The following TGDS variants were observed in gnomAD, a reference collection of about 807,000 sequenced individuals.
The protein encoded by TGDS is TDP-glucose 4,6-dehydratase, also known as UDP-D-glucose 4,6-dehydratase.
A neutral mutation model predicts 52.3 loss-of-function variants in TGDS; 47 were observed. The observed-to-expected ratio is 0.90, with a 90% confidence interval of 0.71 to 1.15. The LOEUF (loss-of-function observed/expected upper bound fraction) is 1.15, where lower values mean the gene tolerates loss of function less well. TGDS is among the 50% of genes most tolerant of loss of function. TGDS has a pLI of 0.00. For missense variants in TGDS, 375 were observed against 418.4 expected (o/e 0.90, Z 0.90); for synonymous variants, 115 against 136.9 (o/e 0.84, Z 1.12).
intron 11 of TGDS, 79 bp from the exon 12 acceptor site, chr13:94,574,931 G>A: frequency 3.7e-6 from 3 of 808,808 alleles, no homozygotes; most frequent in Non-Finnish European, 5.9e-6. Context: ...CCTTTACTGA[G>A]TTCCTGCTAG....
At chr13:94,582,608 G>A (rs1457854224) in intron 5 of TGDS, among the ~76,000 whole-genome samples, 1 of 152,214 alleles carries the variant, frequency 6.6e-6, no homozygotes, top group Non-Finnish European at 1.5e-5. Context: ...AGGTGTGTCT[G>A]TGAGGGTGTT....
At position 94,590,826 on chromosome 13, in the gene TGDS, A is replaced by G. The variant is rs1246214451; in HGVS notation, c.313+27T>C. ...GAGGGCGGGGAGAGAACTGCCAATC[A>G]TAACTGTAACATAAAACAATGCTTA... On this transcript the variant is annotated intron_variant, in intron 4 of 11. Transcript: ENST00000261296. 6 of 1,523,108 alleles carry G rather than the reference A, an allele frequency of 3.9e-6. No homozygotes were observed. In the Admixed American group the frequency reaches 7.3e-5, roughly 19 times the overall value. The allele number at this position is 1,523,108 out of a possible 1,614,324, so 94.3% of individuals were successfully genotyped here. A position where few individuals can be genotyped will look rare whatever the true frequency, so the allele number is the denominator to read the frequency against.
chr13:94,590,561 G>C (rs1482210657), intron 4 of TGDS, among the ~76,000 whole-genome samples: 1 of 151,986 alleles, frequency 6.6e-6, no homozygotes, highest in African/African-American at 2.4e-5. Context: ...CAAAATTTAA[G>C]AAAAACAACA....
intron 11 of TGDS, among the ~76,000 whole-genome samples, chr13:94,576,088 G>C (rs1888589275): frequency 6.6e-6 from 1 of 152,158 alleles, no homozygotes; most frequent in Non-Finnish European, 1.5e-5. Context: ...ACAGGTATTT[G>C]ATTAATGCTA....
rs763181893 is a variant in TGDS, at chr13:94,577,980, C to G, written c.825+25G>C. On this transcript the variant is annotated intron_variant, in intron 9 of 11. Coordinates refer to ENST00000261296, the MANE Select transcript of TGDS (RefSeq NM_014305.4). ...ACTGCCACTAACAATTTTGAAAATA[C>G]CAACCTTTTAAAACAGATACATACC... is the stretch of plus-strand genomic sequence containing the variant. 114 of 1,598,754 alleles carry G rather than the reference C, an allele frequency of 7.1e-5. No individual in the cohort carries two copies. The East Asian group carries it at 2.5e-3, about 35-fold the overall frequency.
At chr13:94,594,676 G>A (rs893607201) in intron 1 of TGDS, among the ~76,000 whole-genome samples, 1 of 152,046 alleles carries the variant, frequency 6.6e-6, no homozygotes, top group Non-Finnish European at 1.5e-5. Context: ...TCCTGGACCC[G>A]CACTCTCACA....
At chr13:94,596,264 C>G (rs191031667), upstream of TGDS, 251 of 1,030,488 alleles carry the variant, frequency 2.4e-4, no homozygotes, top group Non-Finnish European at 3.3e-4. Context: ...AGGCAGCTTC[C>G]GGAGACTGCT....
rs1888857954 is a variant in TGDS at position 94,583,127 on chromosome 13, G to A, written c.423C>T (p.Ser141=). ...EARVEKFIYV[S]TDEVYGGSLD... is the part of the protein sequence containing the mutation. The stretch of plus-strand genomic sequence containing the variant: ...GACTGCCACCATATACTTCATCTGT[G>A]CTGACATAAATAAACTTCTCCACTC... The change falls in exon 5 of 12, where the codon AGC becomes AGT. Residue 141 remains serine, a synonymous_variant. Transcript: ENST00000261296. 1 of 1,613,690 alleles carries A rather than the reference G, an allele frequency of 6.2e-7. No homozygotes were observed. The highest frequency in any genetic ancestry group is 1.3e-5 in the African/African-American group (1 of 74,890).
intron 6 of TGDS, among the ~76,000 whole-genome samples, chr13:94,580,465 T>C (rs564130478): frequency 1.1e-3 from 174 of 152,236 alleles, no homozygotes; most frequent in African/African-American, 4.1e-3. Flanking sequence ...ATGTAGGAGA[T>C]TCAAGGTGAG....
intron 3 of TGDS, among the ~76,000 whole-genome samples, chr13:94,591,833 T>C (rs9524550): frequency 0.67 from 102,162 of 152,124 alleles, 34,605 homozygotes; most frequent in African/African-American, 0.74. Flanking sequence ...CTTTAAAAAA[T>C]ACATAAGTTA....
At chr13:94,586,130 A>G (rs1888972523) in intron 4 of TGDS, among the ~76,000 whole-genome samples, 1 of 152,224 alleles carries the variant, frequency 6.6e-6, no homozygotes, top group African/African-American at 2.4e-5. Flanking sequence ...GAAACAGAAC[A>G]GGTGGGAAAA....
At chr13:94,590,755 A>T in intron 4 of TGDS, 98 bp downstream of exon 4, 1 of 952,294 alleles carries the variant, frequency 1.1e-6, no homozygotes, top group Non-Finnish European at 1.5e-6. Context: ...TTGTTTTTCT[A>T]GTACAGTATG....
Position 94,590,918 on chromosome 13 carries a change from A to G in TGDS, c.248T>C (p.Val83Ala), listed in dbSNP as rs373246659. 8.9e-6 allele frequency: 14 copies of G among 1,573,142 alleles called. No individual in the cohort carries two copies. The African/African-American group carries it at 1.8e-4, about 20-fold the overall frequency. Residue 83 changes from valine to alanine, a missense_variant, in exon 4 of 12, where the codon GTG becomes GCG. Transcript: ENST00000261296. ...TTTCTCTGTTTCAAAAAGCAGTTTC[A>G]CAAAGTGAGAATCACATATGTCACC... ...IQGDICDSHF[V>A]KLLFETEKID...
intron 4 of TGDS, among the ~76,000 whole-genome samples, chr13:94,584,831 G>A (rs1452711724): frequency 1.3e-5 from 2 of 152,156 alleles, no homozygotes; most frequent in Non-Finnish European, 2.9e-5. Flanking sequence ...CTAATGGTGA[G>A]TCATTTTGAA....
intron 4 of TGDS, among the ~76,000 whole-genome samples, chr13:94,583,903 A>T (rs925863712): frequency 1.3e-5 from 2 of 152,256 alleles, no homozygotes; most frequent in Admixed American, 1.3e-4. Flanking sequence ...GGAGACATAA[A>T]CAGTTTAGAT....
chr13:94,583,245 A>G lies in TGDS; in HGVS notation c.314-9T>C. On this transcript the variant is annotated splice_polypyrimidine_tract_variant and intron_variant, in intron 4 of 11. Coordinates refer to ENST00000261296, the MANE Select transcript of TGDS (RefSeq NM_014305.4). ...ACGTACGAATGAAAGATCTAAAAGAAAAGAGTGAAAAGCTAAAACAAGTCT... is the reference window on the plus strand; with the variant it reads ...ACGTACGAATGAAAGATCTAAAAGAGAAGAGTGAAAAGCTAAAACAAGTCT... 2 of 1,609,578 alleles carry G rather than the reference A, an allele frequency of 1.2e-6. No homozygotes were observed. The highest frequency in any genetic ancestry group is 1.1e-5 in the South Asian group (1 of 90,172).
At position 94,583,543 on chromosome 13, in the gene TGDS, T is replaced by A. The variant is rs574228110; in HGVS notation, c.314-307A>T. On this transcript the variant is annotated intron_variant, in intron 4 of 11. Coordinates refer to ENST00000261296, the MANE Select transcript of TGDS (RefSeq NM_014305.4). Reference sequence around the variant, plus strand: ...TAAAATGTTTTTAAATTAAAAAAAATTATGAATTACAGGGATAGGCTTTTT... The same window carrying A: ...TAAAATGTTTTTAAATTAAAAAAAAATATGAATTACAGGGATAGGCTTTTT... 5.9e-5 allele frequency among the ~76,000 whole-genome samples: 9 copies of A among 152,196 alleles called. No individual in the cohort carries two copies. In the East Asian group the frequency reaches 7.7e-4, roughly 13 times the overall value.
intron 2 of TGDS, among the ~76,000 whole-genome samples, chr13:94,592,763 A>G (rs1228555116): frequency 6.6e-6 from 1 of 152,140 alleles, no homozygotes; most frequent in African/African-American, 2.4e-5. Flanking sequence ...ACACATTTTA[A>G]GTTTCTGACA....
Position 94,574,806 on chromosome 13 carries a change from CT to C in TGDS, c.1028del (p.Lys343ArgfsTer3). The C allele has an allele frequency of 1.2e-6, 2 of 1,607,548 alleles. No individual in the cohort carries two copies. ...ATTATACCGGAAAGGGTTCTAATGC[CT>C]TTTCCACATTCTTCCAGTTGTGAAA... is the stretch of plus-strand genomic sequence containing the variant. ...ENFHNWKNVE[K>X]ALEPFPV On this transcript the variant is annotated frameshift_variant, in exon 12 of 12. Transcript: ENST00000261296. LOFTEE classifies it high-confidence loss of function.
Sources: gnomAD v4.1 joint callset for allele counts (sites outside exome capture counted in the v4.1 genomes callset) on GRCh38, gnomAD v4.1.1 for gene constraint, MANE v1.5 for transcripts, NCBI Gene and HGNC (gene_info 2026-07-23, HGNC 2026-07-21) for gene names.